The following TENM4 variants were observed in gnomAD, a reference collection of about 807,000 sequenced individuals.
The protein encoded by TENM4 is teneurin-4.
In TENM4, 82 loss-of-function variants were observed where a neutral mutation model predicts 243.3. That is an observed-to-expected ratio of 0.34 (90% CI 0.28 to 0.40). TENM4 has a LOEUF of 0.40. Ranked by LOEUF, TENM4 falls within the 10% of genes least tolerant of loss-of-function variation. The probability of loss-of-function intolerance (pLI) is 1.00; values close to 1 mark genes in which losing one functional copy is unlikely to be tolerated. For missense variants in TENM4, 3,138 were observed against 3,673.3 expected, an observed-to-expected ratio of 0.85 and a Z score of 3.77; for synonymous variants, 1,412 against 1,456.3, an observed-to-expected ratio of 0.97 and a Z score of 0.69.
chr11:78,799,518 T>C (rs1857236260), intron 15 of TENM4, among the ~76,000 whole-genome samples: 1 of 152,246 alleles, frequency 6.6e-6, no homozygotes, highest in African/African-American at 2.4e-5. Context: ...AACTACTTCA[T>C]TTATTGACTG....
intron 17 of TENM4, among the ~76,000 whole-genome samples, chr11:78,771,745 C>A (rs969673701): frequency 6.6e-6 from 1 of 152,162 alleles, no homozygotes; most frequent in Admixed American, 6.5e-5. Flanking sequence ...TTCTTAACAT[C>A]TTGTCTACAG....
chr11:79,054,263 C>G (rs1859881889), intron 6 of TENM4, among the ~76,000 whole-genome samples: 1 of 152,162 alleles, frequency 6.6e-6, no homozygotes, highest in Admixed American at 6.5e-5. Context: ...CCAGCTTTAT[C>G]ACTGTACAAG....
Position 78,991,590 on chromosome 11 carries a change from C to A in TENM4, c.493+73148G>T, listed in dbSNP as rs146939451. Among the ~76,000 whole-genome samples the A allele has an allele frequency of 5.5e-3, 843 of 152,328 alleles. 21 individuals carry two copies. Among genetic ancestry groups the A allele is most frequent in the Admixed American group, 0.046 (710 of 15,306 alleles). ...GTATTAGACCACCAGCCCTAGGGCA[C>A]TTGGCTAGTAAGTGGCTCAGCTCAA... On this transcript the variant is annotated intron_variant, in intron 6 of 33. Coordinates refer to ENST00000278550, the MANE Select transcript of TENM4 (RefSeq NM_001098816.3).
chr11:78,698,099 G>T (rs942406455), intron 28 of TENM4, among the ~76,000 whole-genome samples: 9 of 152,144 alleles, frequency 5.9e-5, no homozygotes, highest in African/African-American at 1.9e-4. Flanking sequence ...AATTGGCAAA[G>T]CTGACTTAAA....
chr11:79,290,591 G>A (rs1333593977), intron 2 of TENM4, among the ~76,000 whole-genome samples: 1 of 151,932 alleles, frequency 6.6e-6, no homozygotes. Flanking sequence ...TACCACTGCA[G>A]TATCCAGGGA....
intron 6 of TENM4, among the ~76,000 whole-genome samples, chr11:78,977,293 ACTGT>A (rs1480724908): frequency 1.3e-5 from 2 of 152,106 alleles, no homozygotes; most frequent in Non-Finnish European, 2.9e-5. Flanking sequence ...CTGCAACAAC[ACTGT>A]TTTCACATAT....
At chr11:79,246,957 C>T (rs1855526797) in intron 2 of TENM4, among the ~76,000 whole-genome samples, 1 of 150,816 alleles carries the variant, frequency 6.6e-6, no homozygotes, top group Non-Finnish European at 1.5e-5. Context: ...ATGTGTTGTG[C>T]CCTTTTCTGG....
chr11:79,337,338 C>G (rs552838268), intron 1 of TENM4, among the ~76,000 whole-genome samples: 1 of 152,296 alleles, frequency 6.6e-6, no homozygotes, highest in South Asian at 2.1e-4. Flanking sequence ...CCATCCACAG[C>G]CCAGCCATGT....
chr11:79,095,067 T>C (rs957402740), intron 4 of TENM4, among the ~76,000 whole-genome samples: 10 of 152,070 alleles, frequency 6.6e-5, no homozygotes, highest in Non-Finnish European at 1.3e-4. Context: ...AGCCTGGGCA[T>C]TTTTGGCTCT....
intron 6 of TENM4, among the ~76,000 whole-genome samples, chr11:78,997,124 G>C (rs908962725): frequency 1.3e-5 from 2 of 152,178 alleles, no homozygotes; most frequent in Admixed American, 1.3e-4. Flanking sequence ...CTGAGGCCCA[G>C]GAACATTCAT....
intron 2 of TENM4, 73 bp from the exon 3 acceptor site, chr11:79,215,982 C>T (rs969267165): frequency 4.5e-5 from 18 of 401,282 alleles, no homozygotes; most frequent in East Asian, 1.6e-4. Context: ...ACAGACCCTC[C>T]GCTCCAGCAG....
At chr11:79,235,735 TC>T (rs1864453239) in intron 2 of TENM4, among the ~76,000 whole-genome samples, 1 of 151,900 alleles carries the variant, frequency 6.6e-6, no homozygotes, top group African/African-American at 2.4e-5. Flanking sequence ...CTCTTCAGGT[TC>T]AAAAACTGAT....
At position 78,898,421 on chromosome 11, in the gene TENM4, T is replaced by C. The variant is rs113263232; in HGVS notation, c.749+4847A>G. On this transcript the variant is annotated intron_variant, in intron 7 of 33. Transcript: ENST00000278550. ...AGTTTGACAATCAGGGAAGGGCCTG[T>C]GACTATTTCTCTGATATCAAGAGGC... is the stretch of plus-strand genomic sequence containing the variant. Among the ~76,000 whole-genome samples the C allele has an allele frequency of 1.5e-3, 228 of 152,360 alleles. 2 individuals are homozygous for C. Among genetic ancestry groups the C allele is most frequent in the Middle Eastern group, 6.8e-3 (2 of 294 alleles).
At chr11:78,903,656 G>A in intron 6 of TENM4, 133 bp from the exon 7 acceptor site, 1 of 1,364,824 alleles carries the variant, frequency 7.3e-7, no homozygotes. Flanking sequence ...CAGTCAATCA[G>A]TAATTACACG....
intron 12 of TENM4, among the ~76,000 whole-genome samples, chr11:78,827,230 T>G (rs1254417137): frequency 1.3e-5 from 2 of 152,200 alleles, no homozygotes; most frequent in Admixed American, 6.5e-5. Flanking sequence ...TTGGGAACTA[T>G]ACTTTAGAAA....
At chr11:78,698,427 A>AACCAAC (rs1324562908) in intron 28 of TENM4, among the ~76,000 whole-genome samples, 39 of 130,234 alleles carry the variant, frequency 3.0e-4, no homozygotes, top group Non-Finnish European at 4.8e-4. Flanking sequence ...AACCAACCAA[A>AACCAAC]CAAACAAACA....
chr11:79,313,922 C>T (rs1856762072), intron 1 of TENM4, among the ~76,000 whole-genome samples: 1 of 152,166 alleles, frequency 6.6e-6, no homozygotes, highest in Non-Finnish European at 1.5e-5. Flanking sequence ...CATTTATTTT[C>T]TCTACTCCCC....
chr11:78,733,068 G>T (rs972080064), intron 20 of TENM4, among the ~76,000 whole-genome samples: 1 of 152,160 alleles, frequency 6.6e-6, no homozygotes, highest in African/African-American at 2.4e-5. Context: ...GGCTCAAATG[G>T]ATTATTCTTA....
At chr11:79,312,301 G>A (rs1029178385) in intron 1 of TENM4, among the ~76,000 whole-genome samples, 1 of 152,212 alleles carries the variant, frequency 6.6e-6, no homozygotes, top group African/African-American at 2.4e-5. Context: ...CCAGGAAAGG[G>A]CTTGACATAA....
Sources: gnomAD v4.1 joint callset for allele counts (sites outside exome capture counted in the v4.1 genomes callset) on GRCh38, gnomAD v4.1.1 for gene constraint, MANE v1.5 for transcripts, NCBI Gene and HGNC (gene_info 2026-07-23, HGNC 2026-07-21) for gene names.